The following SHISAL1 variants were observed in gnomAD, a reference collection of about 807,000 sequenced individuals.
SHISAL1 encodes shisa like 1.
SHISAL1 carries 9 observed loss-of-function variants against 22.6 expected under a neutral mutation model. The observed-to-expected ratio is 0.40, with a 90% CI of 0.24 to 0.70. The LOEUF is 0.70. Among genes scored for constraint, SHISAL1 ranks in the 30% least tolerant of loss-of-function variants. The probability of loss-of-function intolerance (pLI) is 0.39; values close to 1 mark genes in which losing one functional copy is unlikely to be tolerated. For missense variants in SHISAL1, 246 were observed against 270.6 expected (o/e 0.91, Z 0.64); for synonymous variants, 119 against 115.4 (o/e 1.03, Z -0.20).
chr22:44,297,053 C>T (rs1009473681), intron 2 of SHISAL1, among the ~76,000 whole-genome samples, 168 bp from the exon 3 acceptor site: 1 of 152,196 alleles, frequency 6.6e-6, no homozygotes, highest in African/African-American at 2.4e-5. Context: ...TACCCCGAGC[C>T]TCCCAGCCCT....
At position 44,300,146 on chromosome 22, in the gene SHISAL1, CAGAG is replaced by C. The variant is rs1350040355; in HGVS notation, c.67+729_67+732del. Among the ~76,000 whole-genome samples, 3 of 149,302 alleles carry C rather than the reference CAGAG, an allele frequency of 2.0e-5. No individual in the cohort carries two copies. In the South Asian group the frequency reaches 6.5e-4, roughly 32 times the overall value. On this transcript the variant is annotated intron_variant, in intron 2 of 4. Coordinates refer to ENST00000381176, the MANE Select transcript of SHISAL1 (RefSeq NM_001099294.2). ...AGACAGAGAGACAGAGAGACAGAAA[CAGAG>C]AGAGACAGAGACAGAGAGAGATAGA...
At chr22:44,307,708 G>A (rs527550439) in intron 1 of SHISAL1, among the ~76,000 whole-genome samples, 15 of 152,176 alleles carry the variant, frequency 9.9e-5, no homozygotes, top group Non-Finnish European at 2.1e-4. Flanking sequence ...CTGCTGCTCC[G>A]AGATTTGAAG....
In SHISAL1 at chr22:44,271,023, A is replaced by G. The variant is rs1320481341; in HGVS notation, c.599+14405T>C. Among the ~76,000 whole-genome samples, 6 of 152,292 alleles carry G rather than the reference A, an allele frequency of 3.9e-5. No homozygotes were observed. In the South Asian group the frequency reaches 1.2e-3, roughly 32 times the overall value. On this transcript the variant is annotated intron_variant, in intron 4 of 4. Transcript: ENST00000381176. ...GGACCTCTTTCCCCACTCAGAGTGG[A>G]TAGAGACAAGAAAAGAGGATAGATT...
chr22:44,287,795 C>T (rs527541171), intron 3 of SHISAL1, among the ~76,000 whole-genome samples: 5 of 152,092 alleles, frequency 3.3e-5, no homozygotes, highest in African/African-American at 4.8e-5. Flanking sequence ...CCATGTAGAC[C>T]GAGGAGTCAG....
chr22:44,325,794 G>C, the SHISAL1 span, among the ~76,000 whole-genome samples: 9 of 151,984 alleles, frequency 5.9e-5, no homozygotes, highest in East Asian at 1.6e-3. Flanking sequence ...CCTTCATAAC[G>C]AGAAGCCACA....
At chr22:44,252,083 G>T (rs1051727563) in intron 4 of SHISAL1, among the ~76,000 whole-genome samples, 17 of 152,162 alleles carry the variant, frequency 1.1e-4, no homozygotes, top group African/African-American at 4.1e-4. Context: ...CCAATCTAAA[G>T]ATTATGACCA....
chr22:44,320,115 G>A, the SHISAL1 span, among the ~76,000 whole-genome samples: 1 of 152,186 alleles, frequency 6.6e-6, no homozygotes, highest in African/African-American at 2.4e-5. Flanking sequence ...TGCCAGCCCT[G>A]ATTCTATGGC....
Position 44,247,221 on chromosome 22 carries a change from T to TAA in SHISAL1, c.*2462_*2463dup, listed in dbSNP as rs1403080983. ...CAGGACACGAGGGTTGCAAACTCCT[T>TAA]AAATACCCATCTGACTCCTTCCTCT... On this transcript the variant is annotated 3_prime_UTR_variant, in exon 5 of 5. Coordinates refer to ENST00000381176, the MANE Select transcript of SHISAL1 (RefSeq NM_001099294.2). The TAA allele has an allele frequency of 6.6e-6, 1 of 152,124 alleles. No individual in the cohort carries two copies. The highest frequency in any genetic ancestry group is 1.5e-5 in the Non-Finnish European group (1 of 68,074). 9.4% of individuals were successfully genotyped at this position (152,124 alleles called of 1,614,324 possible). A position where few individuals can be genotyped will look rare whatever the true frequency, so the allele number is the denominator to read the frequency against.
At chr22:44,258,771 G>A (rs2055101600) in intron 4 of SHISAL1, among the ~76,000 whole-genome samples, 1 of 152,200 alleles carries the variant, frequency 6.6e-6, no homozygotes, top group African/African-American at 2.4e-5. Flanking sequence ...ATAATGTTGG[G>A]TCAAAGGTAA....
chr22:44,277,245 G>A (rs879612715), intron 4 of SHISAL1, among the ~76,000 whole-genome samples: 3 of 152,176 alleles, frequency 2.0e-5, no homozygotes, highest in Non-Finnish European at 4.4e-5. Context: ...CAGAGCAGCT[G>A]CTCCGTGCCA....
upstream of SHISAL1, among the ~76,000 whole-genome samples, chr22:44,315,249 C>A (rs1312692815): frequency 6.6e-6 from 1 of 152,132 alleles, no homozygotes; most frequent in Non-Finnish European, 1.5e-5. Flanking sequence ...AATCAAGGTT[C>A]AAAATATATG....
intron 4 of SHISAL1, among the ~76,000 whole-genome samples, chr22:44,271,943 T>G (rs2055208105): frequency 6.6e-6 from 1 of 152,224 alleles, no homozygotes; most frequent in Admixed American, 6.5e-5. Flanking sequence ...TTTTGTTAAT[T>G]ACTCACGCAA....
At position 44,263,083 on chromosome 22, in the gene SHISAL1, T is replaced by C. The variant is rs113336317; in HGVS notation, c.*-13398A>G. On this transcript the variant is annotated intron_variant, in intron 4 of 4. Transcript: ENST00000381176. ...CACGTATTTTTTTCTTTCTTTCTTT[T>C]TTTTTTTTTTTTTTTTGGAGATGGA... Among the ~76,000 whole-genome samples, 54 of 17,348 alleles carry C rather than the reference T, an allele frequency of 3.1e-3. 1 individual carries two copies. The highest frequency in any genetic ancestry group is 5.3e-3 in the South Asian group (2 of 380). 11.4% of individuals were successfully genotyped at this position (17,348 alleles called of 152,430 possible). A position where few individuals can be genotyped will look rare whatever the true frequency, so the allele number is the denominator to read the frequency against.
At chr22:44,269,027 G>C (rs2055185983) in intron 4 of SHISAL1, among the ~76,000 whole-genome samples, 1 of 151,964 alleles carries the variant, frequency 6.6e-6, no homozygotes, top group Non-Finnish European at 1.5e-5. Flanking sequence ...TGCACTCCTG[G>C]CCTGTCCCTG....
In SHISAL1 at chr22:44,285,508, T is replaced by C; in HGVS notation, c.519A>G (p.Pro173=). The change falls in exon 4 of 5, where the codon CCA becomes CCG. Residue 173 remains proline, a synonymous_variant. Coordinates refer to ENST00000381176, the MANE Select transcript of SHISAL1 (RefSeq NM_001099294.2). The part of the protein sequence containing the change: ...PQPQPPPGPL[P]QAPQAVHTLR... Reference sequence around the variant, plus strand: ...ATGTGTGCACGGCCTGTGGGGCTTGTGGCAGCGGGCCTGGGGGAGGCTGCG... The same window carrying C: ...ATGTGTGCACGGCCTGTGGGGCTTGCGGCAGCGGGCCTGGGGGAGGCTGCG... 1.2e-6 allele frequency: 2 copies of C among 1,613,856 alleles called. No individual in the cohort carries two copies. The highest frequency in any genetic ancestry group is 2.2e-5 in the South Asian group (2 of 91,072).
In SHISAL1 at chr22:44,244,784, T is replaced by A. The variant is rs1237357549; in HGVS notation, c.*4901A>T. 6.6e-6 allele frequency: 1 copy of A among 151,986 alleles called. No homozygotes were observed. Among genetic ancestry groups the A allele is most frequent in the Non-Finnish European group, 1.5e-5 (1 of 67,996 alleles). The allele number at this position is 151,986 out of a possible 1,614,324, so 9.4% of individuals were successfully genotyped here. ...GGCACTCGGCAAGTATCTGAATAGGTGAGGGAAGCGCGTGTCATCGAATGA... is the reference window on the plus strand; with the variant it reads ...GGCACTCGGCAAGTATCTGAATAGGAGAGGGAAGCGCGTGTCATCGAATGA... On this transcript the variant is annotated 3_prime_UTR_variant, in exon 5 of 5. Transcript: ENST00000381176.
chr22:44,278,673 G>A (rs1033161718), intron 4 of SHISAL1, among the ~76,000 whole-genome samples: 4 of 152,142 alleles, frequency 2.6e-5, no homozygotes, highest in African/African-American at 7.2e-5. Flanking sequence ...AAGGAGTTGT[G>A]TTCCCCAGGA....
rs74369619 is a variant in SHISAL1 at position 44,244,168 on chromosome 22, T to A, written c.*5517A>T. On this transcript the variant is annotated 3_prime_UTR_variant, in exon 5 of 5. Transcript: ENST00000381176. ...GCAATTCCAAGAAGAGGCTCTCTCT[T>A]GGGCCACCAGCTTGGTTCCAGCTGT... The A allele has an allele frequency of 3.3e-5, 5 of 152,340 alleles. No homozygotes were observed. Among genetic ancestry groups the A allele is most frequent in the African/African-American group, 1.2e-4 (5 of 41,584 alleles). The allele number at this position is 152,340 out of a possible 1,614,324, so 9.4% of individuals were successfully genotyped here. A position where few individuals can be genotyped will look rare whatever the true frequency, so the allele number is the denominator to read the frequency against.
At chr22:44,252,955 C>A (rs538179088) in intron 4 of SHISAL1, among the ~76,000 whole-genome samples, 75 of 151,734 alleles carry the variant, frequency 4.9e-4, no homozygotes, top group African/African-American at 1.8e-3. Context: ...GAGATCACGC[C>A]ACTGCACTCC....
Sources: allele counts gnomAD v4.1 joint callset (sites outside exome capture counted in the v4.1 genomes callset), GRCh38; gene constraint gnomAD v4.1.1; transcripts MANE v1.5; gene names NCBI Gene and HGNC (gene_info 2026-07-23, HGNC 2026-07-21).